The following OR4N5 variants were observed in gnomAD, a reference collection of about 807,000 sequenced individuals.
The protein encoded by OR4N5 is olfactory receptor 4N5.
For missense variants in OR4N5, 428 were observed against 370.0 expected, an observed-to-expected ratio of 1.16 and a Z score of -1.29; for synonymous variants, 155 against 140.6, an observed-to-expected ratio of 1.10 and a Z score of -0.72.
rs1000131453 is a variant in OR4N5 at position 20,143,018 on chromosome 14, G to C, written c.-11-707G>C. Among the ~76,000 whole-genome samples, 10 of 152,188 alleles carry C rather than the reference G, an allele frequency of 6.6e-5. No homozygotes were observed. In the South Asian group the frequency reaches 8.3e-4, roughly 13 times the overall value. ...AGATATATAGAGAGCAGATGAAACT[G>C]AATTAGTATTAACTAGAACTTAAGA... On this transcript the variant is annotated intron_variant, in intron 2 of 2. Transcript: ENST00000641086.
chr14:20,144,433 A>C lies in OR4N5; in HGVS notation c.698A>C (p.Lys233Thr). ...ATAAGGGAGCACTCCTCTGAAGGAAAGAGCAAGGCTATTTCCACATGCACC... is the reference window on the plus strand; with the variant it reads ...ATAAGGGAGCACTCCTCTGAAGGAACGAGCAAGGCTATTTCCACATGCACC... ...CRIREHSSEG[K>T]SKAISTCTTH... is the part of the protein sequence containing the mutation. Residue 233 changes from lysine to threonine, a missense_variant, in exon 3 of 3, where the codon AAG (lysine) becomes ACG (threonine). By Grantham distance (78) the Lys-to-Thr change is moderately conservative. Transcript: ENST00000641086. The C allele has an allele frequency of 6.2e-7, 1 of 1,614,078 alleles. No individual in the cohort carries two copies. The highest frequency in any genetic ancestry group is 8.5e-7 in the Non-Finnish European group (1 of 1,179,990).
chr14:20,144,566 C>T lies in OR4N5; in HGVS notation c.831C>T (p.Val277=), dbSNP rs1878697196. Residue 277 remains valine (V), a synonymous_variant, in exon 3 of 3, where the codon GTC becomes GTT. Transcript: ENST00000641086. ...AGGTAGTTTCTCTTTTCCATACTGT[C>T]ATCTTTCCTTTGATGAACCCTGTTA... ...ADKVVSLFHT[V]IFPLMNPVIY... is the part of the protein sequence containing the mutation. 4 of 1,613,864 alleles carry T rather than the reference C, an allele frequency of 2.5e-6. No homozygotes were observed. The highest frequency in any genetic ancestry group is 2.7e-5 in the African/African-American group (2 of 75,042).
chr14:20,144,766 AATT>A lies in OR4N5; in HGVS notation c.*109_*111del. The A allele has an allele frequency of 1.4e-6, 1 of 721,410 alleles. No individual in the cohort carries two copies. The highest frequency in any genetic ancestry group is 2.7e-5 in the East Asian group (1 of 37,700). 44.7% of individuals were successfully genotyped at this position (721,410 alleles called of 1,614,324 possible). A position where few individuals can be genotyped will look rare whatever the true frequency, so the allele number is the denominator to read the frequency against. On this transcript the variant is annotated 3_prime_UTR_variant, in exon 3 of 3. Coordinates refer to ENST00000641086, the MANE Select transcript of OR4N5 (RefSeq NM_001004724.2). ...CAGTCAGTCATTTAGCAAGTATTATAATTATTAAGTACTTCCCATTTTCAGGCA... is the reference window on the plus strand; with the variant it reads ...CAGTCAGTCATTTAGCAAGTATTATAATTAAGTACTTCCCATTTTCAGGCA...
chr14:20,139,500 G>C (rs1878574144), intron 1 of OR4N5, among the ~76,000 whole-genome samples: 2 of 152,060 alleles, frequency 1.3e-5, no homozygotes, highest in African/African-American at 4.8e-5. Flanking sequence ...ACCCTTCCTA[G>C]AACCTCCACA....
intron 2 of OR4N5, among the ~76,000 whole-genome samples, chr14:20,142,427 A>T (rs1594205009): frequency 1.3e-5 from 2 of 152,168 alleles, no homozygotes; most frequent in African/African-American, 4.8e-5. Flanking sequence ...ATACATTTTT[A>T]AAAACATAGC....
In OR4N5 at chr14:20,144,701, T is replaced by C. The variant is rs138394217; in HGVS notation, c.*39T>C. 8 of 1,347,830 alleles carry C rather than the reference T, an allele frequency of 5.9e-6. No individual in the cohort carries two copies. Among genetic ancestry groups the C allele is most frequent in the East Asian group, 4.6e-5 (2 of 43,354 alleles). 83.5% of individuals were successfully genotyped at this position (1,347,830 alleles called of 1,614,324 possible). A position where few individuals can be genotyped will look rare whatever the true frequency, so the allele number is the denominator to read the frequency against. On this transcript the variant is annotated 3_prime_UTR_variant, in exon 3 of 3. Transcript: ENST00000641086. ...AAAAGCAAGAACGGAGAAAGTCCAGTTGAATTTAGCTAAATCATTTCCTCA... is the reference window on the plus strand; with the variant it reads ...AAAAGCAAGAACGGAGAAAGTCCAGCTGAATTTAGCTAAATCATTTCCTCA...
At chr14:20,143,517 G>A (rs10137715) in intron 2 of OR4N5, among the ~76,000 whole-genome samples, 2,426 of 152,238 alleles carry the variant, frequency 0.016, 60 homozygotes, top group African/African-American at 0.049. Flanking sequence ...AATGGGCATG[G>A]AAATGTGGCT....
rs1878681473 is a variant in OR4N5 at position 20,144,171 on chromosome 14, T to C, written c.436T>C (p.Leu146=). The part of the protein sequence containing the change: ...MNPRACYALS[L]VLWLGGFIHS... The stretch of plus-strand genomic sequence containing the variant: ...CCCTAGAGCCTGCTATGCATTATCG[T>C]TGGTTCTGTGGCTTGGGGGCTTTAT... The change falls in exon 3 of 3, where the codon TTG becomes CTG. Residue 146 remains leucine, a synonymous_variant. Transcript: ENST00000641086. The C allele has an allele frequency of 1.2e-6, 2 of 1,614,022 alleles. No individual in the cohort carries two copies. Among genetic ancestry groups the C allele is most frequent in the African/African-American group, 2.7e-5 (2 of 74,934 alleles).
chr14:20,139,678 A>G (rs1566558529), intron 1 of OR4N5, among the ~76,000 whole-genome samples: 1 of 152,122 alleles, frequency 6.6e-6, no homozygotes, highest in Non-Finnish European at 1.5e-5. Flanking sequence ...TTAGCTCCTA[A>G]CCACCTAATT....
chr14:20,144,224 C>A lies in OR4N5; in HGVS notation c.489C>A (p.Ile163=). 13 of 1,614,114 alleles carry A rather than the reference C, an allele frequency of 8.1e-6. No individual in the cohort carries two copies. Among genetic ancestry groups the A allele is most frequent in the African/African-American group, 1.3e-5 (1 of 75,046 alleles). ...ATTCCATTGTACAAGTAGCCCTTAT[C>A]CTGCACTTGCCTTTCTGTGGCCCAA... ...FIHSIVQVAL[I]LHLPFCGPNQ... is the part of the protein sequence containing the mutation. Residue 163 remains isoleucine, a synonymous_variant, in exon 3 of 3, where the codon ATC becomes ATA. Transcript: ENST00000641086.
intron 1 of OR4N5, among the ~76,000 whole-genome samples, chr14:20,139,238 C>A (rs907854279): frequency 3.3e-5 from 5 of 151,990 alleles, no homozygotes; most frequent in African/African-American, 1.2e-4. Context: ...TCATCTTTAT[C>A]CTAAACCAAA....
rs1347228660 is a variant in OR4N5, at chr14:20,144,031, C to T, written c.296C>T (p.Thr99Ile). Residue 99 changes from threonine (T) to isoleucine (I), a missense_variant, in exon 3 of 3, where the codon ACT (threonine) becomes ATT (isoleucine). Thr to Ile is a moderately conservative substitution (Grantham distance 89). Coordinates refer to ENST00000641086, the MANE Select transcript of OR4N5 (RefSeq NM_001004724.2). ...KKVISYRSCI[T>I]QLFFLHFLGA... ...GTAATCTCCTATAGAAGCTGCATCA[C>T]TCAGCTCTTTTTCTTGCATTTTCTT... is the stretch of plus-strand genomic sequence containing the variant. 5.6e-6 allele frequency: 9 copies of T among 1,614,116 alleles called. No individual in the cohort carries two copies. The highest frequency in any genetic ancestry group is 7.6e-6 in the Non-Finnish European group (9 of 1,179,994).
In OR4N5 at chr14:20,144,371, G is replaced by A; in HGVS notation, c.636G>A (p.Leu212=). 1 of 1,613,926 alleles carries A rather than the reference G, an allele frequency of 6.2e-7. No homozygotes were observed. The highest frequency in any genetic ancestry group is 1.1e-5 in the South Asian group (1 of 91,072). The change falls in exon 3 of 3, where the codon CTG becomes CTA. Residue 212 remains leucine, a synonymous_variant. Transcript: ENST00000641086. The part of the protein sequence containing the change: ...NSGLLSLLCF[L]GLLASYAVIL... ...GCCTGCTCAGCCTCCTGTGCTTCCT[G>A]GGCCTTCTGGCCTCCTATGCAGTCA... is the stretch of plus-strand genomic sequence containing the variant.
Position 20,144,511 on chromosome 14 carries a change from C to CT in OR4N5, c.778dup (p.Cys260LeufsTer9), listed in dbSNP as rs1351467709. 6.2e-7 allele frequency: 1 copy of CT among 1,614,096 alleles called. No individual in the cohort carries two copies. Among genetic ancestry groups the CT allele is most frequent in the East Asian group, 2.2e-5 (1 of 44,872 alleles). ...TTTGGACCTGCTATTTTCATCTACA[C>CT]TTGCCCCTTCCAGGCTTTCCCAGCT... is the stretch of plus-strand genomic sequence containing the variant. On this transcript the variant is annotated frameshift_variant, in exon 3 of 3. Coordinates refer to ENST00000641086, the MANE Select transcript of OR4N5 (RefSeq NM_001004724.2). LOFTEE classifies it low-confidence loss of function (END_TRUNC).
chr14:20,139,674 C>A (rs937545631), intron 1 of OR4N5, among the ~76,000 whole-genome samples: 3 of 152,034 alleles, frequency 2.0e-5, no homozygotes, highest in Non-Finnish European at 4.4e-5. Context: ...TGGATTAGCT[C>A]CTAACCACCT....
rs759181251 is a variant in OR4N5 at position 20,144,378 on chromosome 14, C to G, written c.643C>G (p.Leu215Val). Residue 215 changes from leucine (L) to valine (V), a missense_variant, in exon 3 of 3, where the codon CTG becomes GTG. Coordinates refer to ENST00000641086, the MANE Select transcript of OR4N5 (RefSeq NM_001004724.2). ...LLSLLCFLGL[L>V]ASYAVILCRI... ...CAGCCTCCTGTGCTTCCTGGGCCTT[C>G]TGGCCTCCTATGCAGTCATCCTCTG... is the stretch of plus-strand genomic sequence containing the variant. 2.5e-5 allele frequency: 41 copies of G among 1,613,908 alleles called. No homozygotes were observed. Among genetic ancestry groups the G allele is most frequent in the Non-Finnish European group, 3.2e-5 (38 of 1,179,994 alleles).
intron 2 of OR4N5, among the ~76,000 whole-genome samples, chr14:20,142,188 C>G (rs1052392415): frequency 1.3e-5 from 2 of 151,702 alleles, no homozygotes; most frequent in African/African-American, 4.8e-5. Context: ...TACAGTGGTG[C>G]GATCTCAGCT....
intron 2 of OR4N5, among the ~76,000 whole-genome samples, chr14:20,143,523 T>C (rs937978445): frequency 2.0e-5 from 3 of 152,152 alleles, no homozygotes; most frequent in African/African-American, 2.4e-5. Flanking sequence ...CATGGAAATG[T>C]GGCTACCTAA....
intron 1 of OR4N5, among the ~76,000 whole-genome samples, chr14:20,140,251 GAA>G (rs1221267716): frequency 6.6e-6 from 1 of 152,066 alleles, no homozygotes; most frequent in Non-Finnish European, 1.5e-5. Flanking sequence ...GCAAATGAGA[GAA>G]AGAAGAAAGA....
Sources: gnomAD v4.1 joint callset for allele counts (sites outside exome capture counted in the v4.1 genomes callset) on GRCh38, gnomAD v4.1.1 for gene constraint, MANE v1.5 for transcripts, NCBI Gene and HGNC (gene_info 2026-07-23, HGNC 2026-07-21) for gene names.